UBE4A: variants seen among roughly 807,000 people sequenced by gnomAD.
UBE4A encodes ubiquitin conjugation factor E4 A.
In UBE4A, 48 loss-of-function variants were observed where a neutral mutation model predicts 117.9. The observed-to-expected ratio is 0.41, with a 90% CI of 0.32 to 0.52. The LOEUF (loss-of-function observed/expected upper bound fraction) is 0.52. Ranked by LOEUF, UBE4A falls within the 20% of genes least tolerant of loss-of-function variation. The pLI, the probability that UBE4A is intolerant of heterozygous loss-of-function variation, is 0.33. For missense variants in UBE4A, 1,067 were observed against 1,296.3 expected, an observed-to-expected ratio of 0.82 and a Z score of 2.72; for synonymous variants, 407 against 450.0, an observed-to-expected ratio of 0.90 and a Z score of 1.21.
Position 118,374,910 on chromosome 11 carries a change from C to G in UBE4A, c.1131C>G (p.Phe377Leu). 6.5e-7 allele frequency: 1 copy of G among 1,533,424 alleles called. No homozygotes were observed. The highest frequency in any genetic ancestry group is 1.3e-5 in the South Asian group (1 of 77,518). The allele number at this position is 1,533,424 out of a possible 1,614,324, so 95.0% of individuals were successfully genotyped here. ...TGGTTGAACAGTTCATGGCTCAGTT[C>G]CACGAAAAGATCTACCAGATGCTGA... Reference protein sequence around the residue: ...EANIHQFMAQFHEKIYQMLKN... With the variant: ...EANIHQFMAQLHEKIYQMLKN... Residue 377 changes from phenylalanine (F) to leucine (L), a missense_variant, in exon 9 of 20, where the codon TTC becomes TTG. Phe to Leu is a conservative substitution (Grantham distance 22). Coordinates refer to ENST00000252108, the MANE Select transcript of UBE4A (RefSeq NM_001204077.2).
chr11:118,396,488 C>A lies in UBE4A; in HGVS notation c.*48C>A. 1 of 1,555,160 alleles carries A rather than the reference C, an allele frequency of 6.4e-7. No individual in the cohort carries two copies. ...AAACCAACCCCAGAGTGCAGATAAA[C>A]AATTGTTTGTGGTTTCTCTCTTTCT... is the stretch of plus-strand genomic sequence containing the variant. On this transcript the variant is annotated 3_prime_UTR_variant, in exon 20 of 20. Transcript: ENST00000252108.
At position 118,381,524 on chromosome 11, in the gene UBE4A, G is replaced by T; in HGVS notation, c.2009+1G>T. 2 of 1,613,788 alleles carry T rather than the reference G, an allele frequency of 1.2e-6. No homozygotes were observed. The highest frequency in any genetic ancestry group is 1.7e-6 in the Non-Finnish European group (2 of 1,179,834). ...CCATTTTCACTGGAAGCATAGAAAG[G>T]TGAAGTGCTGAAAGCTTGGTTCTGT... On this transcript the variant is annotated splice_donor_variant, in intron 12 of 19. Transcript: ENST00000252108. LOFTEE classifies it high-confidence loss of function.
chr11:118,389,486 C>T (rs1272087538), intron 16 of UBE4A, among the ~76,000 whole-genome samples: 1 of 152,146 alleles, frequency 6.6e-6, no homozygotes, highest in Non-Finnish European at 1.5e-5. Context: ...AAGATGTTAA[C>T]AGTGTTTATC....
At chr11:118,382,217 A>G (rs1948711162) in intron 12 of UBE4A, among the ~76,000 whole-genome samples, 1 of 152,216 alleles carries the variant, frequency 6.6e-6, no homozygotes, top group Non-Finnish European at 1.5e-5. Flanking sequence ...GCATAATTAT[A>G]TTCTAGTCTT....
intron 19 of UBE4A, among the ~76,000 whole-genome samples, chr11:118,395,235 A>G (rs891023637): frequency 3.9e-5 from 6 of 151,904 alleles, no homozygotes; most frequent in Non-Finnish European, 7.4e-5. Flanking sequence ...AGGCTGAGGC[A>G]GGAGAATCCC....
chr11:118,364,339 T>TA (rs1324430193), intron 1 of UBE4A, among the ~76,000 whole-genome samples: 1 of 152,142 alleles, frequency 6.6e-6, no homozygotes, highest in African/African-American at 2.4e-5. Flanking sequence ...TCTTCAGTAT[T>TA]ATTTTAAGAA....
At chr11:118,362,941 T>A (rs1948531861) in intron 1 of UBE4A, among the ~76,000 whole-genome samples, 1 of 152,196 alleles carries the variant, frequency 6.6e-6, no homozygotes, top group Non-Finnish European at 1.5e-5. Flanking sequence ...CTGGTCAGCC[T>A]CTTCTGGATT....
chr11:118,394,761 G>A (rs1353019607), intron 19 of UBE4A, among the ~76,000 whole-genome samples: 7 of 146,168 alleles, frequency 4.8e-5, no homozygotes, highest in African/African-American at 7.6e-5. Flanking sequence ...GTGACAGAGC[G>A]AGACTCGTCT....
intron 1 of UBE4A, among the ~76,000 whole-genome samples, chr11:118,360,299 G>A (rs1396272333): frequency 6.6e-6 from 1 of 152,160 alleles, no homozygotes; most frequent in Non-Finnish European, 1.5e-5. Flanking sequence ...CTGACAGCAA[G>A]CATGTGTTTA....
chr11:118,368,112 G>A (rs377518631), intron 2 of UBE4A, among the ~76,000 whole-genome samples: 147 of 152,216 alleles, frequency 9.7e-4, no homozygotes, highest in African/African-American at 3.4e-3. Flanking sequence ...GCTATGTATA[G>A]TATCCCATTT....
intron 13 of UBE4A, among the ~76,000 whole-genome samples, chr11:118,383,953 T>C (rs1416767549): frequency 2.6e-5 from 4 of 152,322 alleles, no homozygotes; most frequent in Non-Finnish European, 5.9e-5. Flanking sequence ...TGCAGTTATC[T>C]CGTTATGTGA....
chr11:118,394,705 C>T (rs1948852465), intron 19 of UBE4A, among the ~76,000 whole-genome samples: 2 of 149,270 alleles, frequency 1.3e-5, no homozygotes, highest in East Asian at 2.0e-4. Context: ...ACCTGGGAGG[C>T]AGAGGTTGCA....
chr11:118,391,565 C>T (rs556256606), intron 18 of UBE4A, among the ~76,000 whole-genome samples: 14 of 151,066 alleles, frequency 9.3e-5, no homozygotes, highest in South Asian at 2.1e-4. Context: ...GAGGTCGAGG[C>T]GGGCAGATCA....
intron 10 of UBE4A, among the ~76,000 whole-genome samples, chr11:118,377,272 T>C (rs1555125541): frequency 2.6e-5 from 4 of 152,140 alleles, no homozygotes; most frequent in African/African-American, 9.7e-5. Flanking sequence ...CAGTGGCACA[T>C]TCTCTGCTCA....
intron 8 of UBE4A, 77 bp downstream of exon 8, chr11:118,373,762 G>T: frequency 6.9e-7 from 1 of 1,457,192 alleles, no homozygotes; most frequent in Non-Finnish European, 9.1e-7. Context: ...AGATAAGGCT[G>T]CTCAAGCCTC....
rs1555126932 is a variant in UBE4A at position 118,384,915 on chromosome 11, T to C, written c.2382T>C (p.Asp794=). The change falls in exon 15 of 20, where the codon GAT becomes GAC. Residue 794 remains aspartate, a synonymous_variant. Transcript: ENST00000252108. ...FLRFLNLLMN[D]AIFLLDEAIQ... is the part of the protein sequence containing the mutation. ...GCTTTCTTAACCTGCTAATGAATGA[T>C]GCCATCTTCCTTTTGGATGAAGCCA... 1 of 1,605,520 alleles carries C rather than the reference T, an allele frequency of 6.2e-7. No individual in the cohort carries two copies. Among genetic ancestry groups the C allele is most frequent in the Admixed American group, 1.7e-5 (1 of 58,912 alleles).
intron 4 of UBE4A, 75 bp downstream of exon 4, chr11:118,369,610 C>A: frequency 9.4e-7 from 1 of 1,067,132 alleles, no homozygotes; most frequent in Non-Finnish European, 1.4e-6. Context: ...CACTGTTCTC[C>A]AACTTATGCT....
intron 1 of UBE4A, among the ~76,000 whole-genome samples, chr11:118,361,027 T>G (rs1948516812): frequency 6.7e-6 from 1 of 148,152 alleles, no homozygotes; most frequent in African/African-American, 2.5e-5. Flanking sequence ...TTTTTTTTTT[T>G]GAGACAGAGT....
Position 118,371,595 on chromosome 11 carries a change from G to A in UBE4A, c.490G>A (p.Ala164Thr). Reference protein sequence around the residue: ...MTSSTTLNLSADRDAGERHIF... With the variant: ...MTSSTTLNLSTDRDAGERHIF... ...TTCTTCTACAACGCTAAATCTCTCT[G>A]CTGATCGAGATGCAGGAGAGAGGCA... The change falls in exon 5 of 20, where the codon GCT becomes ACT. Residue 164 changes from alanine (A) to threonine (T), a missense_variant. By Grantham distance (58) the Ala-to-Thr change is moderately conservative. Around this residue, in one of 3 missense-constraint regions of UBE4A, gnomAD observed 1,001 missense variants for 1,184.0 expected, o/e 0.85. Transcript: ENST00000252108. 1 of 1,613,952 alleles carries A rather than the reference G, an allele frequency of 6.2e-7. No individual in the cohort carries two copies. Among genetic ancestry groups the A allele is most frequent in the East Asian group, 2.2e-5 (1 of 44,874 alleles).
Sources: gnomAD v4.1 joint callset for allele counts (sites outside exome capture counted in the v4.1 genomes callset) on GRCh38, gnomAD v4.1.1 for gene constraint, gnomAD v4.1.1 regional missense constraint, MANE v1.5 for transcripts, NCBI Gene and HGNC (gene_info 2026-07-23, HGNC 2026-07-21) for gene names.